PGAP1: variants seen among roughly 807,000 people sequenced by gnomAD.
The protein encoded by PGAP1 is GPI inositol-deacylase.
A neutral mutation model predicts 127.0 loss-of-function variants in PGAP1; 76 were observed. The ratio of observed to expected loss-of-function variants is 0.60; its 90% CI spans 0.50 to 0.72. The LOEUF (loss-of-function observed/expected upper bound fraction) is 0.72, where lower values mean the gene tolerates loss of function less well. Ranked by LOEUF, PGAP1 falls within the 30% of genes least tolerant of loss-of-function variation. The pLI is 0.00. For synonymous variants in PGAP1, 362 were observed against 366.5 expected, an observed-to-expected ratio of 0.99 and a Z score of 0.14; for missense variants, 982 against 1,071.3, an observed-to-expected ratio of 0.92 and a Z score of 1.16.
At chr2:196,875,698 G>T in intron 14 of PGAP1, 48 bp downstream of exon 14, 1 of 1,046,854 alleles carries the variant, frequency 9.6e-7, no homozygotes, top group Non-Finnish European at 1.5e-6. Context: ...CTGCAACTCT[G>T]TTAAAAATAA....
chr2:196,877,907 A>G (rs536541948), intron 13 of PGAP1, among the ~76,000 whole-genome samples: 1 of 152,308 alleles, frequency 6.6e-6, no homozygotes, highest in African/African-American at 2.4e-5. Flanking sequence ...CAACTGAGAC[A>G]TAAATAAATT....
At chr2:196,844,859 T>C (rs1224469156) in intron 23 of PGAP1, among the ~76,000 whole-genome samples, 3 of 152,116 alleles carry the variant, frequency 2.0e-5, no homozygotes, top group Non-Finnish European at 4.4e-5. Flanking sequence ...TATACCGCTA[T>C]ACCTTTTATA....
chr2:196,835,309 G>A lies in PGAP1; in HGVS notation c.*5925C>T, dbSNP rs1160595405. ...ATGTGACTATATAAAGAGACTGAAT[G>A]GAAATACATAAAAAACAAAAGAAAT... On this transcript the variant is annotated 3_prime_UTR_variant, in exon 27 of 27. Transcript: ENST00000354764. 2 of 151,826 alleles carry A rather than the reference G, an allele frequency of 1.3e-5. No homozygotes were observed. The highest frequency in any genetic ancestry group is 1.9e-4 in the East Asian group (1 of 5,184). 9.4% of individuals were successfully genotyped at this position (151,826 alleles called of 1,614,324 possible). A position where few individuals can be genotyped will look rare whatever the true frequency, so the allele number is the denominator to read the frequency against.
intron 19 of PGAP1, among the ~76,000 whole-genome samples, chr2:196,865,558 A>G (rs1338764445): frequency 2.6e-5 from 4 of 152,158 alleles, no homozygotes; most frequent in African/African-American, 4.8e-5. Context: ...TGGGGACAAT[A>G]CTAGTATGTA....
At chr2:196,861,007 A>G (rs1169186426) in intron 20 of PGAP1, among the ~76,000 whole-genome samples, 4 of 152,216 alleles carry the variant, frequency 2.6e-5, no homozygotes, top group African/African-American at 4.8e-5. Context: ...CCAATAGAAC[A>G]TAATAGAGAA....
chr2:196,894,486 CAATT>C (rs981664365), intron 7 of PGAP1, among the ~76,000 whole-genome samples: 2 of 152,194 alleles, frequency 1.3e-5, no homozygotes. Context: ...TGTTTGCAAT[CAATT>C]AAATGTTACA....
At chr2:196,891,481 T>G (rs1702099361) in intron 9 of PGAP1, among the ~76,000 whole-genome samples, 1 of 152,154 alleles carries the variant, frequency 6.6e-6, no homozygotes, top group South Asian at 2.1e-4. Context: ...GGAACGATTT[T>G]AGTATCAACA....
At chr2:196,847,302 A>G (rs1451259430) in intron 21 of PGAP1, 102 bp from the exon 22 acceptor site, 4 of 808,078 alleles carry the variant, frequency 5.0e-6, no homozygotes, top group South Asian at 3.9e-5. Context: ...CTAAAGTTCC[A>G]TGATACTTAA....
intron 20 of PGAP1, 131 bp downstream of exon 20, chr2:196,864,856 A>T: frequency 2.3e-6 from 1 of 432,446 alleles, no homozygotes; most frequent in South Asian, 1.1e-4. Flanking sequence ...AGGGAGTTCT[A>T]AGAACTCTCT....
At chr2:196,888,600 AT>A (rs1263918023) in intron 10 of PGAP1, among the ~76,000 whole-genome samples, 3 of 146,602 alleles carry the variant, frequency 2.0e-5, no homozygotes, top group Non-Finnish European at 4.5e-5. Context: ...CATGTAATAC[AT>A]TTCTTTGAAC....
Position 196,926,552 on chromosome 2 carries a change from G to T in PGAP1, c.65C>A (p.Thr22Asn), listed in dbSNP as rs1305744054. ...GAAGAAGACATCCCACAGCCCCAGGGTTGCCAGAAAGACCATGAAGACATA... is the reference window on the plus strand; with the variant it reads ...GAAGAAGACATCCCACAGCCCCAGGTTTGCCAGAAAGACCATGAAGACATA... The part of the protein sequence containing the change: ...AFYVFMVFLA[T>N]LGLWDVFFGF... The change falls in exon 1 of 27, where the codon ACC (threonine) becomes AAC (asparagine). Residue 22 changes from threonine to asparagine, a missense_variant. Coordinates refer to ENST00000354764, the MANE Select transcript of PGAP1 (RefSeq NM_024989.4). 6.2e-7 allele frequency: 1 copy of T among 1,613,632 alleles called. No homozygotes were observed. Among genetic ancestry groups the T allele is most frequent in the African/African-American group, 1.3e-5 (1 of 74,896 alleles).
Position 196,885,025 on chromosome 2 carries a change from T to G in PGAP1, c.1272+399A>C, listed in dbSNP as rs188143713. On this transcript the variant is annotated intron_variant, in intron 12 of 26. Coordinates refer to ENST00000354764, the MANE Select transcript of PGAP1 (RefSeq NM_024989.4). ...GTGCTTGACCATGTATCATATCTGTTTGAGATGTCCACTTCCCAACTGCAG... is the reference window on the plus strand; with the variant it reads ...GTGCTTGACCATGTATCATATCTGTGTGAGATGTCCACTTCCCAACTGCAG... Among the ~76,000 whole-genome samples the G allele has an allele frequency of 2.0e-3, 300 of 152,278 alleles. 2 individuals are homozygous for G. Among genetic ancestry groups the G allele is most frequent in the Middle Eastern group, 6.8e-3 (2 of 294 alleles).
Position 196,838,068 on chromosome 2 carries a change from A to C in PGAP1, c.*3166T>G, listed in dbSNP as rs1328904347. Reference sequence around the variant, plus strand: ...ATCCAGGAAAAAAAACAGTGTTAGCAATCTCTACCTATTATCAGTTCCAAA... The same window carrying C: ...ATCCAGGAAAAAAAACAGTGTTAGCCATCTCTACCTATTATCAGTTCCAAA... On this transcript the variant is annotated 3_prime_UTR_variant, in exon 27 of 27. Transcript: ENST00000354764. 1 of 152,214 alleles carries C rather than the reference A, an allele frequency of 6.6e-6. No homozygotes were observed. The highest frequency in any genetic ancestry group is 6.5e-5 in the Admixed American group (1 of 15,282). The allele number at this position is 152,214 out of a possible 1,614,324, so 9.4% of individuals were successfully genotyped here.
chr2:196,917,227 A>G (rs775029849), intron 2 of PGAP1, among the ~76,000 whole-genome samples: 3 of 152,278 alleles, frequency 2.0e-5, no homozygotes, highest in Non-Finnish European at 2.9e-5. Context: ...TTTAAAAAAT[A>G]TATTATAAAT....
intron 1 of PGAP1, chr2:196,922,280 C>A: frequency 1.7e-6 from 2 of 1,174,684 alleles, no homozygotes; most frequent in Middle Eastern, 2.4e-4. Context: ...TATGATATTA[C>A]TTAATTGTAA....
At chr2:196,903,733 C>G (rs959888689) in intron 4 of PGAP1, among the ~76,000 whole-genome samples, 1 of 152,112 alleles carries the variant, frequency 6.6e-6, no homozygotes, top group Non-Finnish European at 1.5e-5. Flanking sequence ...GGGTTCAACC[C>G]ATTTATTGTA....
Position 196,847,946 on chromosome 2 carries a change from C to T in PGAP1, c.1952+1G>A, listed in dbSNP as rs587777202. On this transcript the variant is annotated splice_donor_variant, in intron 21 of 26. Coordinates refer to ENST00000354764, the MANE Select transcript of PGAP1 (RefSeq NM_024989.4). LOFTEE classifies it high-confidence loss of function. ...TCATTATCACAGATAATAAAACTTACCCCAACAGAAACTTAATGATAATTA... is the reference window on the plus strand; with the variant it reads ...TCATTATCACAGATAATAAAACTTATCCCAACAGAAACTTAATGATAATTA... 6.4e-7 allele frequency: 1 copy of T among 1,557,624 alleles called. No individual in the cohort carries two copies. The highest frequency in any genetic ancestry group is 8.7e-7 in the Non-Finnish European group (1 of 1,151,926).
chr2:196,842,894 A>G, intron 25 of PGAP1, 69 bp from the exon 26 acceptor site: 1 of 718,882 alleles, frequency 1.4e-6, no homozygotes, highest in Non-Finnish European at 2.2e-6. Context: ...CAGAATCAAG[A>G]GGATAAATAT....
chr2:196,849,161 C>T (rs1180738392), intron 20 of PGAP1, among the ~76,000 whole-genome samples: 1 of 151,760 alleles, frequency 6.6e-6, no homozygotes, highest in East Asian at 1.9e-4. Flanking sequence ...ATTATCAAGT[C>T]AGTTGAAACC....
Sources: gnomAD v4.1 joint callset for allele counts (sites outside exome capture counted in the v4.1 genomes callset) on GRCh38, gnomAD v4.1.1 for gene constraint, MANE v1.5 for transcripts, NCBI Gene and HGNC (gene_info 2026-07-23, HGNC 2026-07-21) for gene names.